Variants in EYS observed in about 807,000 individuals in gnomAD.
EYS encodes the protein protein eyes shut homolog.
A neutral mutation model predicts 282.1 loss-of-function variants in EYS; 250 were observed. That is an observed-to-expected ratio of 0.89 (90% CI 0.80 to 0.98). The LOEUF (loss-of-function observed/expected upper bound fraction) is 0.98, where lower values mean the gene tolerates loss of function less well. Among genes scored for constraint, EYS ranks in the 50% least tolerant of loss-of-function variants. The pLI is 0.00. For synonymous variants in EYS, 1,355 were observed against 1,282.9 expected, an observed-to-expected ratio of 1.06 and a Z score of -1.20; for missense variants, 4,016 against 3,709.0, an observed-to-expected ratio of 1.08 and a Z score of -2.15.
chr6:64,342,075 A>C (rs1771138550), intron 29 of EYS, among the ~76,000 whole-genome samples: 2 of 151,622 alleles, frequency 1.3e-5, no homozygotes, highest in Admixed American at 1.3e-4. Flanking sequence ...ATGGATTTGC[A>C]TTTAAAACCA....
chr6:64,378,862 G>A (rs1231703361), intron 29 of EYS, among the ~76,000 whole-genome samples: 1 of 152,140 alleles, frequency 6.6e-6, no homozygotes, highest in Non-Finnish European at 1.5e-5. Context: ...AGAAAATGGA[G>A]CATATCTCAA....
intron 35 of EYS, among the ~76,000 whole-genome samples, chr6:63,921,102 T>C (rs898419236): frequency 6.6e-6 from 1 of 152,212 alleles, no homozygotes; most frequent in Non-Finnish European, 1.5e-5. Context: ...TTCACCGTGT[T>C]AACCAGGATG....
At chr6:64,289,215 A>T (rs990610125) in intron 30 of EYS, among the ~76,000 whole-genome samples, 3 of 152,046 alleles carry the variant, frequency 2.0e-5, no homozygotes, top group Non-Finnish European at 4.4e-5. Context: ...CTGGCTCCTT[A>T]TCTAGAGTGC....
intron 12 of EYS, among the ~76,000 whole-genome samples, chr6:65,187,034 G>A (rs1353079209): frequency 6.6e-6 from 1 of 151,732 alleles, no homozygotes; most frequent in African/African-American, 2.4e-5. Flanking sequence ...TGGGAACACA[G>A]GCACTATTTG....
At chr6:65,424,265 T>G (rs1469379109) in intron 5 of EYS, among the ~76,000 whole-genome samples, 1 of 152,028 alleles carries the variant, frequency 6.6e-6, no homozygotes, top group Non-Finnish European at 1.5e-5. Context: ...ATTTTATTTC[T>G]ATTTTTTTCT....
intron 26 of EYS, among the ~76,000 whole-genome samples, chr6:64,491,009 A>G (rs953520867): frequency 2.0e-5 from 3 of 150,828 alleles, no homozygotes; most frequent in African/African-American, 7.3e-5. Flanking sequence ...GTCTACAGAA[A>G]CCCAGTAATT....
chr6:65,493,416 G>A (rs66772844), intron 4 of EYS, among the ~76,000 whole-genome samples: 5 of 151,932 alleles, frequency 3.3e-5, no homozygotes, highest in African/African-American at 4.8e-5. Flanking sequence ...TGCTGTTTTC[G>A]TATACTATTA....
At chr6:65,003,733 A>G (rs537487709) in intron 13 of EYS, among the ~76,000 whole-genome samples, 45 of 147,532 alleles carry the variant, frequency 3.1e-4, no homozygotes, top group African/African-American at 1.0e-3. Flanking sequence ...GGAAAATAGA[A>G]AAGAACCTAC....
chr6:65,482,919 A>C (rs1381629572), intron 5 of EYS, among the ~76,000 whole-genome samples: 1 of 152,194 alleles, frequency 6.6e-6, no homozygotes, highest in African/African-American at 2.4e-5. Context: ...TTCTACATCA[A>C]ATTCACACTT....
chr6:65,319,608 A>C (rs1769414884), intron 11 of EYS, among the ~76,000 whole-genome samples: 2 of 152,142 alleles, frequency 1.3e-5, no homozygotes, highest in African/African-American at 2.4e-5. Context: ...AGGAGTTTAA[A>C]ATTTCTTCTG....
intron 35 of EYS, among the ~76,000 whole-genome samples, chr6:63,962,154 C>A (rs776570914): frequency 4.7e-4 from 71 of 152,212 alleles, no homozygotes; most frequent in Non-Finnish European, 8.7e-4. Context: ...ACCATAAAAA[C>A]CCTAGAAGAA....
chr6:64,566,893 C>T (rs1765582745), intron 26 of EYS, among the ~76,000 whole-genome samples: 2 of 152,118 alleles, frequency 1.3e-5, no homozygotes, highest in Admixed American at 1.3e-4. Flanking sequence ...CCTGCCTCAG[C>T]CTCCCAAGCA....
In EYS at chr6:64,533,790, C is replaced by T. The variant is rs78091419; in HGVS notation, c.5644+56433G>A. 1.9e-3 allele frequency among the ~76,000 whole-genome samples: 285 copies of T among 151,958 alleles called. 1 individual carries two copies. The highest frequency in any genetic ancestry group is 2.8e-3 in the Non-Finnish European group (192 of 67,878). On this transcript the variant is annotated intron_variant, in intron 26 of 42. Transcript: ENST00000503581. Reference sequence around the variant, plus strand: ...TAAATATATCATTAAACATAAAGGACATTTTTCATAACACATATATACACA... The same window carrying T: ...TAAATATATCATTAAACATAAAGGATATTTTTCATAACACATATATACACA...
chr6:63,722,297 C>T (rs1768430538), intron 42 of EYS, among the ~76,000 whole-genome samples: 2 of 152,114 alleles, frequency 1.3e-5, no homozygotes, highest in Admixed American at 6.6e-5. Flanking sequence ...TCCGCCACCC[C>T]ATTCCACCTC....
At chr6:63,803,583 T>A (rs927415297) in intron 37 of EYS, among the ~76,000 whole-genome samples, 2 of 152,222 alleles carry the variant, frequency 1.3e-5, no homozygotes, top group African/African-American at 4.8e-5. Flanking sequence ...GGGGAAATAC[T>A]AATAGAGGAC....
chr6:64,958,210 GTA>G (rs1259020540), intron 14 of EYS, among the ~76,000 whole-genome samples: 1 of 151,988 alleles, frequency 6.6e-6, no homozygotes, highest in African/African-American at 2.4e-5. Context: ...TATGTTGTGT[GTA>G]TATGTATATA....
At chr6:64,085,338 G>GCACACACACACACACACA (rs749247868) in intron 31 of EYS, among the ~76,000 whole-genome samples, 16 of 85,608 alleles carry the variant, frequency 1.9e-4, no homozygotes, top group East Asian at 1.3e-3. Flanking sequence ...GCACGTGCGC[G>GCACACACACACACACACA]CGCACACACA....
chr6:65,159,961 A>C (rs992081522), intron 12 of EYS, among the ~76,000 whole-genome samples: 2 of 151,070 alleles, frequency 1.3e-5, no homozygotes, highest in African/African-American at 4.8e-5. Flanking sequence ...TTTTAACTTC[A>C]AGGTGATTGA....
intron 26 of EYS, among the ~76,000 whole-genome samples, chr6:64,551,236 T>G (rs9451973): frequency 6.7e-6 from 1 of 149,592 alleles, no homozygotes; most frequent in African/African-American, 2.5e-5. Context: ...ATGCAGTAAC[T>G]TCCTAATAAG....
Sources: gnomAD v4.1 joint callset for allele counts (sites outside exome capture counted in the v4.1 genomes callset) on GRCh38, gnomAD v4.1.1 for gene constraint, MANE v1.5 for transcripts, NCBI Gene and HGNC (gene_info 2026-07-23, HGNC 2026-07-21) for gene names.